CCDC171: variants seen among roughly 807,000 people sequenced by gnomAD.
CCDC171 encodes coiled-coil domain-containing protein 171.
In CCDC171, 177 loss-of-function variants were observed where a neutral mutation model predicts 168.2. That is an observed-to-expected ratio of 1.05 (90% CI 0.93 to 1.19). CCDC171 has a LOEUF of 1.19. CCDC171 is among the 50% of genes most tolerant of loss of function. The probability of loss-of-function intolerance (pLI) is 0.00; values close to 1 mark genes in which losing one functional copy is unlikely to be tolerated. For synonymous variants in CCDC171, 687 were observed against 540.8 expected (o/e 1.27, Z -3.75); for missense variants, 1,991 against 1,539.0 (o/e 1.29, Z -4.91).
intron 18 of CCDC171, among the ~76,000 whole-genome samples, chr9:15,757,727 G>T (rs924921009): frequency 6.6e-6 from 1 of 152,126 alleles, no homozygotes; most frequent in African/African-American, 2.4e-5. Context: ...CCAGTCCCAG[G>T]GTCCCCCGTG....
intron 24 of CCDC171, among the ~76,000 whole-genome samples, chr9:15,894,073 A>C (rs1359313156): frequency 1.3e-5 from 2 of 152,220 alleles, no homozygotes; most frequent in African/African-American, 4.8e-5. Flanking sequence ...TGGTACATAC[A>C]CACCATGGAA....
downstream of CCDC171, among the ~76,000 whole-genome samples, chr9:16,065,496 A>G (rs1030639443): frequency 2.0e-5 from 3 of 152,182 alleles, no homozygotes; most frequent in Non-Finnish European, 4.4e-5. Flanking sequence ...CCTGAGGGAT[A>G]AGGAGAGCAG....
intron 5 of CCDC171, among the ~76,000 whole-genome samples, chr9:15,592,156 GAA>G (rs34449158): frequency 2.1e-5 from 3 of 140,744 alleles, no homozygotes; most frequent in East Asian, 2.1e-4. Context: ...CAGTTTAAAT[GAA>G]AAAAAAAAAA....
intron 8 of CCDC171, among the ~76,000 whole-genome samples, chr9:15,658,505 C>CTGTGAATA (rs2048098549): frequency 6.6e-6 from 1 of 152,152 alleles, no homozygotes; most frequent in Non-Finnish European, 1.5e-5. Context: ...TCCTCAGAAC[C>CTGTGAATA]TGTGAATATG....
In CCDC171 at chr9:15,569,848, A is replaced by AAAACAAAAC. The variant is rs1563957689; in HGVS notation, c.42-1773_42-1772insCAAAACAAA. Among the ~76,000 whole-genome samples the AAAACAAAAC allele has an allele frequency of 4.1e-4, 57 of 137,818 alleles. 1 individual carries two copies. Among genetic ancestry groups the AAAACAAAAC allele is most frequent in the East Asian group, 2.4e-3 (12 of 5,092 alleles). 90.4% of individuals were successfully genotyped at this position (137,818 alleles called of 152,430 possible). On this transcript the variant is annotated intron_variant, in intron 2 of 25. Transcript: ENST00000380701. ...ACAAAAAACAAAAAACAAACAAACA[A>AAAACAAAAC]AAAAAAAATTTCTATTTTTCATCTC...
chr9:15,795,570 A>T (rs1258566154), intron 21 of CCDC171, among the ~76,000 whole-genome samples: 1 of 152,204 alleles, frequency 6.6e-6, no homozygotes, highest in Non-Finnish European at 1.5e-5. Flanking sequence ...AAGGAGCTGA[A>T]CTCTAATTAG....
At chr9:15,756,977 T>G (rs1033601745) in intron 18 of CCDC171, among the ~76,000 whole-genome samples, 1 of 152,244 alleles carries the variant, frequency 6.6e-6, no homozygotes, top group Non-Finnish European at 1.5e-5. Context: ...AATAAACCTC[T>G]TTCTTTTGTA....
At chr9:15,780,190 A>T (rs1431887571) in intron 20 of CCDC171, among the ~76,000 whole-genome samples, 1 of 152,238 alleles carries the variant, frequency 6.6e-6, no homozygotes, top group East Asian at 1.9e-4. Flanking sequence ...CCTATGAATT[A>T]GGCAGGTCAA....
At position 15,569,611 on chromosome 9, in the gene CCDC171, C is replaced by T. The variant is rs938974316; in HGVS notation, c.42-2013C>T. On this transcript the variant is annotated intron_variant, in intron 2 of 25. Transcript: ENST00000380701. ...CGGGCGGATCACGAGGTCAGGAGATCGAGACCATCCTGGCTAACACGGTGA... is the reference window on the plus strand; with the variant it reads ...CGGGCGGATCACGAGGTCAGGAGATTGAGACCATCCTGGCTAACACGGTGA... 7.2e-5 allele frequency among the ~76,000 whole-genome samples: 11 copies of T among 151,744 alleles called. 1 individual carries two copies. In the East Asian group the frequency reaches 1.6e-3, roughly 21 times the overall value.
intron 8 of CCDC171, among the ~76,000 whole-genome samples, chr9:15,661,462 T>C (rs747347606): frequency 6.6e-6 from 1 of 152,186 alleles, no homozygotes; most frequent in Non-Finnish European, 1.5e-5. Context: ...TTTTTACTTA[T>C]ATGGTTTAAA....
chr9:15,868,713 T>C (rs1015259940), intron 23 of CCDC171, among the ~76,000 whole-genome samples: 2 of 152,180 alleles, frequency 1.3e-5, no homozygotes, highest in South Asian at 4.1e-4. Context: ...CAACTGTTAA[T>C]TGTTCATATA....
intron 25 of CCDC171, among the ~76,000 whole-genome samples, chr9:15,932,931 C>G (rs1826699484): frequency 6.6e-6 from 1 of 151,912 alleles, no homozygotes; most frequent in Non-Finnish European, 1.5e-5. Context: ...CTTGCATCCC[C>G]ATGATGAATT....
At chr9:15,671,757 A>AT (rs1309265572) in intron 9 of CCDC171, among the ~76,000 whole-genome samples, 1 of 152,108 alleles carries the variant, frequency 6.6e-6, no homozygotes, top group Non-Finnish European at 1.5e-5. Flanking sequence ...CCAGTCTATC[A>AT]TTGATGGACA....
At chr9:16,002,703 C>T (rs1832588269) in intron 3 of CCDC171, among the ~76,000 whole-genome samples, 1 of 152,214 alleles carries the variant, frequency 6.6e-6, no homozygotes, top group African/African-American at 2.4e-5. Context: ...TAGGCCTTCA[C>T]ATTCACTCAC....
intron 24 of CCDC171, among the ~76,000 whole-genome samples, chr9:15,891,786 T>A (rs16933746): frequency 0.023 from 3,464 of 152,196 alleles, 138 homozygotes; most frequent in African/African-American, 0.079. Context: ...CTGGGTGAGA[T>A]GACAGAGAAT....
At position 15,818,054 on chromosome 9, in the gene CCDC171, A is replaced by G. The variant is rs1305731447; in HGVS notation, c.3268-28648A>G. ...GGTTCACTAACATCTGCTGTTCTGC[A>G]GCCACCACTGCTGATACCCAGGCAA... On this transcript the variant is annotated intron_variant, in intron 21 of 25. Transcript: ENST00000380701. 1.7e-5 allele frequency among the ~76,000 whole-genome samples: 2 copies of G among 117,726 alleles called. 1 individual carries two copies. Among genetic ancestry groups the G allele is most frequent in the Middle Eastern group, 8.8e-3 (2 of 226 alleles). The allele number at this position is 117,726 out of a possible 152,430, so 77.2% of individuals were successfully genotyped here.
At position 15,602,050 on chromosome 9, in the gene CCDC171, C is replaced by T. The variant is rs558589313; in HGVS notation, c.675+7878C>T. Among the ~76,000 whole-genome samples, 8 of 152,192 alleles carry T rather than the reference C, an allele frequency of 5.3e-5. No homozygotes were observed. The South Asian group carries it at 1.0e-3, about 20-fold the overall frequency. ...TACAGAAAAATGTGGGAATATGCTC[C>T]CTAGTTACTACGAACAGTAACTTGC... is the stretch of plus-strand genomic sequence containing the variant. On this transcript the variant is annotated intron_variant, in intron 6 of 25. Transcript: ENST00000380701.
the CCDC171 span, among the ~76,000 whole-genome samples, chr9:16,085,439 T>C: frequency 1.3e-5 from 2 of 152,182 alleles, no homozygotes; most frequent in Non-Finnish European, 2.9e-5. Context: ...CAAGAGTCTG[T>C]AGGAAGCCAG....
chr9:15,861,891 AG>A (rs1244926418), intron 23 of CCDC171, among the ~76,000 whole-genome samples: 2 of 151,984 alleles, frequency 1.3e-5, no homozygotes, highest in African/African-American at 4.8e-5. Context: ...TTCTACTTGA[AG>A]AACTGCCTTT....
Sources: allele counts gnomAD v4.1 joint callset (sites outside exome capture counted in the v4.1 genomes callset), GRCh38; gene constraint gnomAD v4.1.1; transcripts MANE v1.5; gene names NCBI Gene and HGNC (gene_info 2026-07-23, HGNC 2026-07-21).